The following ADAMTS13 variants were observed in gnomAD, a reference collection of about 807,000 sequenced individuals.
The protein encoded by ADAMTS13 is ADAM metallopeptidase with thrombospondin type 1 motif 13, also known as A disintegrin and metalloproteinase with thrombospondin motifs 13.
Under a neutral mutation model 155.1 loss-of-function variants are expected in ADAMTS13, and 110 were observed. The observed-to-expected ratio is 0.71, with a 90% CI of 0.61 to 0.83. The LOEUF (loss-of-function observed/expected upper bound fraction) is 0.83, where lower values mean the gene tolerates loss of function less well. ADAMTS13 is among the 40% of genes least tolerant of loss of function. The probability of loss-of-function intolerance (pLI) is 0.00; values close to 1 mark genes in which losing one functional copy is unlikely to be tolerated. For synonymous variants in ADAMTS13, 758 were observed against 756.4 expected, an observed-to-expected ratio of 1.00 and a Z score of -0.03; for missense variants, 1,707 against 1,891.7, an observed-to-expected ratio of 0.90 and a Z score of 1.81.
At chr9:133,420,020 T>A (rs941617745), upstream of ADAMTS13, among the ~76,000 whole-genome samples, 4 of 152,132 alleles carry the variant, frequency 2.6e-5, no homozygotes, top group Non-Finnish European at 5.9e-5. Flanking sequence ...TTCTTCTGCC[T>A]CAGCCTCCCG....
chr9:133,414,590 C>G, exon 1 of ADAMTS13: 2 of 1,331,628 alleles, frequency 1.5e-6, no homozygotes, highest in Non-Finnish European at 2.2e-6. Context: ...GTGAGGCCAC[C>G]AGCCTCCATA....
chr9:133,442,280 T>C, intron 16 of ADAMTS13, 119 bp from the exon 17 acceptor site: 1 of 1,522,876 alleles, frequency 6.6e-7, no homozygotes, highest in Non-Finnish European at 9.1e-7. Context: ...CAGTGATTGC[T>C]TGCTGAACGA....
chr9:133,428,408 C>A (rs587599247), intron 6 of ADAMTS13, among the ~76,000 whole-genome samples: 1 of 152,224 alleles, frequency 6.6e-6, no homozygotes, highest in African/African-American at 2.4e-5. Flanking sequence ...AGCCACCCTG[C>A]TGGGCTAGCG....
chr9:133,442,952 A>G (rs1257578231), intron 18 of ADAMTS13, among the ~76,000 whole-genome samples: 4 of 152,214 alleles, frequency 2.6e-5, no homozygotes, highest in Non-Finnish European at 4.4e-5. Flanking sequence ...CTTGGGGCAG[A>G]CATGGTGACA....
Position 133,429,972 on chromosome 9 carries a change from G to A in ADAMTS13, c.858G>A (p.Pro286=). Residue 286 remains proline, a synonymous_variant, in exon 8 of 29, where the codon CCG becomes CCA. Transcript: ENST00000355699. ...GGGCGCGCTGCGTGTGGGACCCGCC[G>A]CGGCCTCAACCCGGGTCCGCGGGGC... The part of the protein sequence containing the change: ...AGRARCVWDP[P]RPQPGSAGHP... The A allele has an allele frequency of 6.5e-7, 1 of 1,544,220 alleles. No homozygotes were observed. The highest frequency in any genetic ancestry group is 8.7e-7 in the Non-Finnish European group (1 of 1,149,488).
At chr9:133,435,519 TTC>T (rs1554788728) in intron 11 of ADAMTS13, among the ~76,000 whole-genome samples, 1 of 150,504 alleles carries the variant, frequency 6.6e-6, no homozygotes, top group Non-Finnish European at 1.5e-5. Context: ...TCTTATTTTT[TTC>T]TTTCTTTCTT....
intron 22 of ADAMTS13, 91 bp downstream of exon 22, chr9:133,448,819 G>A (rs1842244090): frequency 6.5e-7 from 1 of 1,529,384 alleles, no homozygotes; most frequent in Non-Finnish European, 8.8e-7. Flanking sequence ...CTGCGGAGGG[G>A]GGCAGGTGCT....
intron 22 of ADAMTS13, among the ~76,000 whole-genome samples, chr9:133,449,113 T>C (rs1024148601): frequency 1.3e-5 from 2 of 152,134 alleles, no homozygotes; most frequent in African/African-American, 4.8e-5. Context: ...ATTAGATGCA[T>C]GTAAAGTACA....
intron 8 of ADAMTS13, 55 bp from the exon 9 acceptor site, chr9:133,432,533 G>A: frequency 1.4e-6 from 2 of 1,457,082 alleles, no homozygotes; most frequent in South Asian, 1.2e-5. Flanking sequence ...TTGGACACTG[G>A]CCTGGAAGGC....
upstream of ADAMTS13, among the ~76,000 whole-genome samples, chr9:133,418,437 C>T (rs1433471007): frequency 6.6e-6 from 1 of 152,198 alleles, no homozygotes; most frequent in African/African-American, 2.4e-5. Context: ...GGCCCAGGCA[C>T]CGGGAGGAGT....
rs1588156340 is a variant in ADAMTS13 at position 133,428,581 on chromosome 9, C to G, written c.687-53C>G. The G allele has an allele frequency of 3.4e-6, 2 of 588,636 alleles. 1 individual carries two copies. The highest frequency in any genetic ancestry group is 8.8e-5 in the East Asian group (2 of 22,746). 36.5% of individuals were successfully genotyped at this position (588,636 alleles called of 1,614,324 possible). Reference sequence around the variant, plus strand: ...CGCCGACCCCCGTCCCGCCCCCACCCCCGCCCCCGCCCCTGCCGGCCGCCT... The same window carrying G: ...CGCCGACCCCCGTCCCGCCCCCACCGCCGCCCCCGCCCCTGCCGGCCGCCT... On this transcript the variant is annotated intron_variant, in intron 6 of 28. Transcript: ENST00000355699.
Position 133,432,597 on chromosome 9 carries a change from C to A in ADAMTS13, c.997C>A (p.Gln333Lys). The A allele has an allele frequency of 6.4e-7, 1 of 1,552,694 alleles. No homozygotes were observed. The change falls in exon 9 of 29, where the codon CAG becomes AAG. Residue 333 changes from glutamine (Q) to lysine (K), a missense_variant. By Grantham distance (53) the Gln-to-Lys change is moderately conservative (BLOSUM62 1). Around this residue, in one of 3 missense-constraint regions of ADAMTS13, gnomAD observed 733 missense variants for 749.6 expected, o/e 0.98. Transcript: ENST00000355699. Reference sequence around the variant, plus strand: ...CTGTCCACCCTCCTAGGATATGTGCCAGGCCCTCTCCTGCCACACAGACCC... The same window carrying A: ...CTGTCCACCCTCCTAGGATATGTGCAAGGCCCTCTCCTGCCACACAGACCC... ...TFAREHLDMC[Q>K]ALSCHTDPLD...
chr9:133,442,682 C>CA lies in ADAMTS13; in HGVS notation c.2175dup (p.Gly726ArgfsTer119), dbSNP rs1373339077. On this transcript the variant is annotated frameshift_variant, in exon 18 of 29. Transcript: ENST00000355699. LOFTEE classifies it high-confidence loss of function. ...GGAGTTGGTGGAGACTGTCCAGTGC[C>CA]AAGGGAGCCAGCAGCCACCAGCGTG... 1.2e-6 allele frequency: 2 copies of CA among 1,612,974 alleles called. No individual in the cohort carries two copies. Among genetic ancestry groups the CA allele is most frequent in the Non-Finnish European group, 1.7e-6 (2 of 1,180,018 alleles).
intron 18 of ADAMTS13, 51 bp downstream of exon 18, chr9:133,442,794 G>A (rs1554791319): frequency 6.4e-7 from 1 of 1,570,612 alleles, no homozygotes; most frequent in South Asian, 1.1e-5. Context: ...GGGTTCCGCT[G>A]GGGCTGCTGG....
At chr9:133,452,405 A>T (rs1177932513) in intron 23 of ADAMTS13, among the ~76,000 whole-genome samples, 1 of 152,010 alleles carries the variant, frequency 6.6e-6, no homozygotes, top group Non-Finnish European at 1.5e-5. Flanking sequence ...TCTTGCCCAT[A>T]CAAAATTGTT....
chr9:133,428,890 C>G (rs1840485899), intron 7 of ADAMTS13, 119 bp downstream of exon 7: 1 of 1,097,878 alleles, frequency 9.1e-7, no homozygotes, highest in Non-Finnish European at 1.1e-6. Flanking sequence ...TGTCCCACCC[C>G]TCCGTCCAAC....
At chr9:133,439,595 C>A in intron 15 of ADAMTS13, 149 bp downstream of exon 15, 2 of 741,766 alleles carry the variant, frequency 2.7e-6, no homozygotes, top group Non-Finnish European at 2.4e-6. Context: ...AGGAAGACTC[C>A]CAGAGCTCAC....
intron 8 of ADAMTS13, among the ~76,000 whole-genome samples, chr9:133,430,435 G>A (rs1437460929): frequency 6.6e-6 from 1 of 152,126 alleles, no homozygotes; most frequent in African/African-American, 2.4e-5. Context: ...GAGTCAGACT[G>A]GAGGGCTTCC....
Position 133,456,216 on chromosome 9 carries a change from G to GT in ADAMTS13, c.3547+2dup. The GT allele has an allele frequency of 1.2e-6, 2 of 1,613,448 alleles. No homozygotes were observed. Among genetic ancestry groups the GT allele is most frequent in the East Asian group, 4.5e-5 (2 of 44,880 alleles). ...GAGAGTTCTCTCAACTGCAGTGCGG[G>GT]TATGTCTAGGGCCATGCAAGCGATG... On this transcript the variant is annotated splice_donor_variant, in intron 26 of 28. Coordinates refer to ENST00000355699, the MANE Select transcript of ADAMTS13 (RefSeq NM_139027.6). LOFTEE classifies it high-confidence loss of function. This position sits in a 1 kb window ranked among gnomAD's most constrained non-coding sequence, Gnocchi z 4.4.
Sources: gnomAD v4.1 joint callset for allele counts (sites outside exome capture counted in the v4.1 genomes callset) on GRCh38, gnomAD v4.1.1 for gene constraint, gnomAD v4.1.1 regional missense constraint, Gnocchi (gnomAD v3.1) non-coding constraint, MANE v1.5 for transcripts, NCBI Gene and HGNC (gene_info 2026-07-23, HGNC 2026-07-21) for gene names.